Variants in SOAT1 observed in about 807,000 individuals in gnomAD.
SOAT1 encodes acyl-coenzyme A:cholesterol acyltransferase 1.
A neutral mutation model predicts 69.5 loss-of-function variants in SOAT1; 55 were observed. The ratio of observed to expected loss-of-function variants is 0.79; its 90% CI spans 0.64 to 0.99. The LOEUF (loss-of-function observed/expected upper bound fraction) is 0.99. SOAT1 is among the 50% of genes least tolerant of loss of function. SOAT1 has a pLI of 0.00. For synonymous variants in SOAT1, 231 were observed against 224.7 expected, an observed-to-expected ratio of 1.03 and a Z score of -0.25; for missense variants, 580 against 669.3, an observed-to-expected ratio of 0.87 and a Z score of 1.47.
rs558975008 is a variant in SOAT1, at chr1:179,310,060, C to T, written c.118+7258C>T. ...GATTACAGGCATGTACCACCATGTC[C>T]TGCTAATTTTTGTATTTTTAGTAGA... On this transcript the variant is annotated intron_variant, in intron 2 of 15. Coordinates refer to ENST00000367619, the MANE Select transcript of SOAT1 (RefSeq NM_003101.6). Among the ~76,000 whole-genome samples the T allele has an allele frequency of 1.5e-4, 23 of 151,996 alleles. No individual in the cohort carries two copies. In the South Asian group the frequency reaches 3.7e-3, roughly 25 times the overall value.
chr1:179,335,685 C>T, intron 4 of SOAT1, 28 bp downstream of exon 4: 1 of 1,600,914 alleles, frequency 6.2e-7, no homozygotes, highest in Non-Finnish European at 8.5e-7. Context: ...TCTTTTAATG[C>T]AAACATCTAC....
chr1:179,346,322 T>C (rs1460844189), intron 11 of SOAT1, among the ~76,000 whole-genome samples: 1 of 152,218 alleles, frequency 6.6e-6, no homozygotes. Flanking sequence ...AATATATATT[T>C]TTCAATAAAT....
chr1:179,303,583 G>A (rs1664908020), intron 2 of SOAT1, among the ~76,000 whole-genome samples: 1 of 152,142 alleles, frequency 6.6e-6, no homozygotes, highest in African/African-American at 2.4e-5. Context: ...TAAAGAAACA[G>A]TTTTGTTTTT....
In SOAT1 at chr1:179,353,855, G is replaced by A; in HGVS notation, c.*214G>A. ...AAGCAGAGCAGAACTTTTTTTGTGGGGCTGGGTGGGGGGAGAAGACCGACT... is the reference window on the plus strand; with the variant it reads ...AAGCAGAGCAGAACTTTTTTTGTGGAGCTGGGTGGGGGGAGAAGACCGACT... On this transcript the variant is annotated 3_prime_UTR_variant, in exon 16 of 16. Transcript: ENST00000367619. The A allele has an allele frequency of 1.9e-6, 1 of 525,282 alleles. No individual in the cohort carries two copies. The highest frequency in any genetic ancestry group is 3.3e-6 in the Non-Finnish European group (1 of 300,414). 32.5% of individuals were successfully genotyped at this position (525,282 alleles called of 1,614,324 possible).
At chr1:179,343,903 G>A (rs951404891) in intron 10 of SOAT1, among the ~76,000 whole-genome samples, 3 of 152,174 alleles carry the variant, frequency 2.0e-5, no homozygotes, top group East Asian at 1.9e-4. Flanking sequence ...TGGGCAGATC[G>A]CGAGGTCAGG....
chr1:179,332,846 T>G (rs1372788303), intron 3 of SOAT1, among the ~76,000 whole-genome samples: 1 of 152,138 alleles, frequency 6.6e-6, no homozygotes, highest in East Asian at 1.9e-4. Context: ...ACAAAGGGAG[T>G]AACAATAATA....
chr1:179,342,204 C>A lies in SOAT1; in HGVS notation c.859+12C>A, dbSNP rs778797340. ...TAAGGAGAAATCAAGTATGTAATTT[C>A]TTTTGTTCATTATTTCTTCCTCCCC... On this transcript the variant is annotated intron_variant, in intron 8 of 15. Coordinates refer to ENST00000367619, the MANE Select transcript of SOAT1 (RefSeq NM_003101.6). 5 of 1,604,550 alleles carry A rather than the reference C, an allele frequency of 3.1e-6. No individual in the cohort carries two copies. In the Admixed American group the frequency reaches 6.7e-5, roughly 21 times the overall value.
chr1:179,297,398 G>A (rs1044074778), intron 1 of SOAT1, among the ~76,000 whole-genome samples: 9 of 152,102 alleles, frequency 5.9e-5, no homozygotes, highest in Admixed American at 3.3e-4. Context: ...GTGCAGTGGC[G>A]CGATCTCGGC....
chr1:179,325,512 T>C (rs1665758872), intron 3 of SOAT1, among the ~76,000 whole-genome samples: 1 of 152,184 alleles, frequency 6.6e-6, no homozygotes. Context: ...ATTTCTCTAG[T>C]CAGGCAGGAT....
At chr1:179,351,557 T>G in intron 15 of SOAT1, 95 bp downstream of exon 15, 1 of 1,113,802 alleles carries the variant, frequency 9.0e-7, no homozygotes, top group East Asian at 2.4e-5. Flanking sequence ...TAGTGGAGAT[T>G]ATGATGAATT....
intron 2 of SOAT1, among the ~76,000 whole-genome samples, chr1:179,308,729 A>T (rs1156468419): frequency 4.6e-5 from 7 of 151,892 alleles, no homozygotes; most frequent in African/African-American, 1.2e-4. Context: ...ATGCATATAA[A>T]TTTTTTTACA....
chr1:179,338,528 T>G (rs2124987438), intron 5 of SOAT1, among the ~76,000 whole-genome samples: 1 of 152,306 alleles, frequency 6.6e-6, no homozygotes, highest in Non-Finnish European at 1.5e-5. Flanking sequence ...AGAAGGCCGG[T>G]TTTCTAAGCA....
chr1:179,347,531 T>A, intron 11 of SOAT1, 69 bp from the exon 12 acceptor site: 1 of 817,736 alleles, frequency 1.2e-6, no homozygotes, highest in South Asian at 1.5e-5. Context: ...TAAAATGATG[T>A]GATATAATTA....
At chr1:179,348,968 T>A in intron 13 of SOAT1, 26 bp downstream of exon 13, 1 of 1,200,298 alleles carries the variant, frequency 8.3e-7, no homozygotes, top group Non-Finnish European at 1.2e-6. Context: ...TAAGTTGATA[T>A]TATTTATGAA....
intron 2 of SOAT1, among the ~76,000 whole-genome samples, chr1:179,309,638 T>C (rs1357827954): frequency 4.0e-3 from 1 of 252 alleles, no homozygotes; most frequent in Admixed American, 0.056. Context: ...TTATTGACCA[T>C]GTATTTTTTT....
At position 179,358,364 on chromosome 1, in the gene SOAT1, G is replaced by A. The variant is rs1666974893; in HGVS notation, c.*4723G>A. 1 of 152,164 alleles carries A rather than the reference G, an allele frequency of 6.6e-6. No individual in the cohort carries two copies. The highest frequency in any genetic ancestry group is 1.5e-5 in the Non-Finnish European group (1 of 68,038). The allele number at this position is 152,164 out of a possible 1,614,324, so 9.4% of individuals were successfully genotyped here. A position where few individuals can be genotyped will look rare whatever the true frequency, so the allele number is the denominator to read the frequency against. ...TGGAGTGATAAACTTTAAGCTAGTAGATACTGCACCATGTCTTGTGGTGGT... is the reference window on the plus strand; with the variant it reads ...TGGAGTGATAAACTTTAAGCTAGTAAATACTGCACCATGTCTTGTGGTGGT... On this transcript the variant is annotated 3_prime_UTR_variant, in exon 16 of 16. Transcript: ENST00000367619.
intron 5 of SOAT1, 54 bp from the exon 6 acceptor site, chr1:179,339,384 G>T: frequency 8.1e-7 from 1 of 1,240,308 alleles, no homozygotes. Flanking sequence ...ATTTTATGGT[G>T]TTTTAAATTT....
At chr1:179,343,861 G>A (rs1027079695) in intron 10 of SOAT1, among the ~76,000 whole-genome samples, 9 of 152,278 alleles carry the variant, frequency 5.9e-5, no homozygotes, top group African/African-American at 1.9e-4. Context: ...AGTGGCTTGC[G>A]CCTGTAATCC....
chr1:179,316,402 A>ATT (rs926760154), intron 2 of SOAT1, among the ~76,000 whole-genome samples: 1 of 150,824 alleles, frequency 6.6e-6, no homozygotes, highest in Admixed American at 6.6e-5. Context: ...TATTATTATT[A>ATT]TTTTTTCTTT....
Sources: gnomAD v4.1 joint callset for allele counts (sites outside exome capture counted in the v4.1 genomes callset) on GRCh38, gnomAD v4.1.1 for gene constraint, MANE v1.5 for transcripts, NCBI Gene and HGNC (gene_info 2026-07-23, HGNC 2026-07-21) for gene names.